ZNF83: variants seen among roughly 807,000 people sequenced by gnomAD.
The protein encoded by ZNF83 is zinc finger protein 83, also known as zinc finger protein 816B.
For missense variants in ZNF83, 552 were observed against 629.9 expected (o/e 0.88, Z 1.32); for synonymous variants, 209 against 213.0 (o/e 0.98, Z 0.17).
At chr19:52,665,184 C>G (rs1386202625) in intron 1 of ZNF83, among the ~76,000 whole-genome samples, 1 of 152,068 alleles carries the variant, frequency 6.6e-6, no homozygotes, top group Non-Finnish European at 1.5e-5. Flanking sequence ...CAGAGACTTT[C>G]CTAGAGCCAC....
chr19:52,669,590 G>A (rs981704828), intron 1 of ZNF83, among the ~76,000 whole-genome samples: 42 of 152,238 alleles, frequency 2.8e-4, no homozygotes, highest in East Asian at 1.2e-3. Flanking sequence ...ACAACACTGC[G>A]CCCATTGAAA....
At chr19:52,676,700 G>GA (rs2061816193) in intron 1 of ZNF83, among the ~76,000 whole-genome samples, 1 of 136,676 alleles carries the variant, frequency 7.3e-6, no homozygotes, top group Non-Finnish European at 1.6e-5. Context: ...GAAAGGTGGG[G>GA]AAAAGATTGA....
rs994593218 is a variant in ZNF83, at chr19:52,618,894, C to T, written c.-233-4097G>A. ...AGAAACAAGAGAAAATGCAAAGATA[C>T]ACAAGGGAACATCCCCACTTCTGGA... On this transcript the variant is annotated intron_variant, in intron 2 of 2. Transcript: ENST00000301096. 1.8e-5 allele frequency: 28 copies of T among 1,531,270 alleles called. 4 individuals carry two copies. Among genetic ancestry groups the T allele is most frequent in the Non-Finnish European group, 2.5e-5 (28 of 1,120,200 alleles). The allele number at this position is 1,531,270 out of a possible 1,614,324, so 94.9% of individuals were successfully genotyped here. A position where few individuals can be genotyped will look rare whatever the true frequency, so the allele number is the denominator to read the frequency against.
At chr19:52,620,875 A>T (rs112649627) in intron 2 of ZNF83, among the ~76,000 whole-genome samples, 14 of 152,316 alleles carry the variant, frequency 9.2e-5, no homozygotes, top group African/African-American at 3.4e-4. Flanking sequence ...CTTCTGGACA[A>T]TGAGTCCTAT....
At chr19:52,670,426 G>A (rs924226618) in intron 1 of ZNF83, among the ~76,000 whole-genome samples, 5 of 152,128 alleles carry the variant, frequency 3.3e-5, no homozygotes, top group African/African-American at 1.2e-4. Context: ...GTTCAGGTAC[G>A]CACTCACCAT....
At chr19:52,684,548 T>TAAAA (rs67308400) in intron 1 of ZNF83, among the ~76,000 whole-genome samples, 3 of 124,968 alleles carry the variant, frequency 2.4e-5, no homozygotes, top group African/African-American at 1.0e-4. Flanking sequence ...AGACTCTGTC[T>TAAAA]AAAAAAAGAA....
At chr19:52,680,749 A>G (rs1369308902) in intron 1 of ZNF83, among the ~76,000 whole-genome samples, 1 of 141,668 alleles carries the variant, frequency 7.1e-6, no homozygotes, top group Non-Finnish European at 1.5e-5. Context: ...AGTAACTGGG[A>G]CTACAGGCGC....
intron 2 of ZNF83, among the ~76,000 whole-genome samples, chr19:52,632,900 G>A (rs1027964930): frequency 2.6e-5 from 4 of 152,020 alleles, no homozygotes; most frequent in East Asian, 3.9e-4. Context: ...CCCACTCTAG[G>A]TTCCCACGCC....
At chr19:52,631,034 T>C (rs2060937975) in intron 2 of ZNF83, among the ~76,000 whole-genome samples, 2 of 147,874 alleles carry the variant, frequency 1.4e-5, no homozygotes, top group African/African-American at 2.5e-5. Context: ...ACATGCTTTC[T>C]TTACTATTCC....
intron 1 of ZNF83, among the ~76,000 whole-genome samples, chr19:52,687,580 A>T (rs1165361878): frequency 3.8e-5 from 1 of 26,576 alleles, no homozygotes; most frequent in Admixed American, 3.8e-4. Flanking sequence ...TATAAATTTT[A>T]TATATATATA....
At chr19:52,662,079 G>A (rs1488168822) in intron 1 of ZNF83, among the ~76,000 whole-genome samples, 1 of 152,056 alleles carries the variant, frequency 6.6e-6, no homozygotes, top group Non-Finnish European at 1.5e-5. Context: ...ATAGGGATGA[G>A]GTCTTGAAAT....
At chr19:52,640,720 A>AG (rs1442061995), upstream of ZNF83, among the ~76,000 whole-genome samples, 1 of 151,944 alleles carries the variant, frequency 6.6e-6, no homozygotes, top group Non-Finnish European at 1.5e-5. Context: ...CCCCAGACTG[A>AG]GGGGGGAGTT....
Position 52,671,503 on chromosome 19 carries a change from G to A in ZNF83, c.-282-10660C>T, listed in dbSNP as rs183860003. ...CTGTCACCCCGGCTGGAATGCAGTG[G>A]CAGGAACACTGCTCCTTGCACCCTC... On this transcript the variant is annotated intron_variant, in intron 1 of 5. Transcript: ENST00000594682. Among the ~76,000 whole-genome samples the A allele has an allele frequency of 2.6e-3, 396 of 151,966 alleles. 2 individuals carry two copies. The highest frequency in any genetic ancestry group is 4.0e-3 in the Non-Finnish European group (269 of 67,974).
intron 1 of ZNF83, among the ~76,000 whole-genome samples, chr19:52,672,619 G>A (rs917247048): frequency 5.3e-5 from 8 of 152,160 alleles, no homozygotes; most frequent in Admixed American, 5.2e-4. Context: ...TTATTTTTGA[G>A]ATTGAGTTTG....
At chr19:52,673,294 C>A (rs1249746544) in intron 1 of ZNF83, among the ~76,000 whole-genome samples, 2 of 152,128 alleles carry the variant, frequency 1.3e-5, no homozygotes, top group Admixed American at 1.3e-4. Context: ...CCCCTGAGGT[C>A]AAGAGTTCGA....
chr19:52,689,507 C>T (rs8100355), intron 1 of ZNF83, among the ~76,000 whole-genome samples: 2,145 of 152,248 alleles, frequency 0.014, 9 homozygotes, highest in Middle Eastern at 0.041. Context: ...CAAATCCCTC[C>T]TCCTCTCCCT....
upstream of ZNF83, among the ~76,000 whole-genome samples, chr19:52,642,916 G>C (rs1181376950): frequency 6.6e-6 from 1 of 152,066 alleles, no homozygotes; most frequent in Admixed American, 6.5e-5. Flanking sequence ...TAGCACTCTG[G>C]AAGGCTGAGA....
chr19:52,680,174 T>G (rs772876791), intron 1 of ZNF83, among the ~76,000 whole-genome samples: 3 of 151,942 alleles, frequency 2.0e-5, no homozygotes, highest in Non-Finnish European at 4.4e-5. Flanking sequence ...AGGGAAACTG[T>G]CTCAAAAACA....
chr19:52,653,993 T>G, intron 3 of ZNF83: 14 of 1,480,028 alleles, frequency 9.5e-6, no homozygotes, highest in East Asian at 2.3e-5. Flanking sequence ...ATATGGGTTT[T>G]GAGCCTACAA....
Sources: allele counts gnomAD v4.1 joint callset (sites outside exome capture counted in the v4.1 genomes callset), GRCh38; gene constraint gnomAD v4.1.1; transcripts MANE v1.5; gene names NCBI Gene and HGNC (gene_info 2026-07-23, HGNC 2026-07-21).